GRM5: variants seen among roughly 807,000 people sequenced by gnomAD.
GRM5 encodes metabotropic glutamate receptor 5.
In GRM5, 19 loss-of-function variants were observed where a neutral mutation model predicts 83.1. That is an observed-to-expected ratio of 0.23 (90% confidence interval 0.16 to 0.34). The LOEUF (loss-of-function observed/expected upper bound fraction) is 0.34. Ranked by LOEUF, GRM5 falls within the 10% of genes least tolerant of loss-of-function variation. The pLI is 1.00. For missense variants in GRM5, 1,160 were observed against 1,588.3 expected (o/e 0.73, Z 4.58); for synonymous variants, 675 against 633.6 (o/e 1.07, Z -0.98).
Position 88,803,754 on chromosome 11 carries a change from C to T in GRM5, c.911+46152G>A, listed in dbSNP as rs549871131. 9.9e-5 allele frequency among the ~76,000 whole-genome samples: 15 copies of T among 151,902 alleles called. No homozygotes were observed. In the East Asian group the frequency reaches 1.9e-3, roughly 20 times the overall value. On this transcript the variant is annotated intron_variant, in intron 3 of 9. Transcript: ENST00000305447. ...ACCATCAGAGTGAACAGGCAACCTA[C>T]AAAATGGGAGAAAATTTTCGCAACC...
chr11:88,717,074 A>G (rs1941416242), intron 3 of GRM5, among the ~76,000 whole-genome samples: 1 of 151,946 alleles, frequency 6.6e-6, no homozygotes, highest in South Asian at 2.1e-4. Context: ...TCTATACCTT[A>G]TTAGCAAAGC....
At chr11:88,837,512 GTTTTAAATA>G (rs1425301689) in intron 3 of GRM5, among the ~76,000 whole-genome samples, 1 of 152,170 alleles carries the variant, frequency 6.6e-6, no homozygotes, top group Admixed American at 6.5e-5. Context: ...TTATCAAAAT[GTTTTAAATA>G]TTTATCTAAA....
chr11:88,932,235 G>A (rs1157402697), intron 2 of GRM5, among the ~76,000 whole-genome samples: 1 of 152,048 alleles, frequency 6.6e-6, no homozygotes, highest in African/African-American at 2.4e-5. Flanking sequence ...GTTTTGGTTT[G>A]AGTATTATAC....
At chr11:88,697,440 C>T (rs1321964813) in intron 3 of GRM5, among the ~76,000 whole-genome samples, 2 of 152,162 alleles carry the variant, frequency 1.3e-5, no homozygotes, top group Non-Finnish European at 1.5e-5. Flanking sequence ...ACTCAATACT[C>T]ATTTGTTAAC....
intron 2 of GRM5, among the ~76,000 whole-genome samples, chr11:88,901,031 G>A (rs1479091131): frequency 6.6e-6 from 1 of 152,074 alleles, no homozygotes; most frequent in African/African-American, 2.4e-5. Context: ...AGTAAACAGA[G>A]GCTTAAAATA....
At chr11:89,027,340 C>A (rs1273936965) in intron 2 of GRM5, among the ~76,000 whole-genome samples, 1 of 152,166 alleles carries the variant, frequency 6.6e-6, no homozygotes, top group Non-Finnish European at 1.5e-5. Context: ...GTGATCCACA[C>A]TCCTCAGACT....
At chr11:88,698,301 CCTT>C (rs1034551909) in intron 3 of GRM5, among the ~76,000 whole-genome samples, 6 of 152,146 alleles carry the variant, frequency 3.9e-5, no homozygotes, top group Admixed American at 3.9e-4. Flanking sequence ...GCTAGAATAA[CCTT>C]CTTTTTATTC....
At position 88,820,762 on chromosome 11, in the gene GRM5, C is replaced by T. The variant is rs145797897; in HGVS notation, c.911+29144G>A. Among the ~76,000 whole-genome samples the T allele has an allele frequency of 7.0e-3, 1,069 of 152,304 alleles. 14 individuals carry two copies. Among genetic ancestry groups the T allele is most frequent in the African/African-American group, 0.024 (1,011 of 41,564 alleles). On this transcript the variant is annotated intron_variant, in intron 3 of 9. Transcript: ENST00000305447. ...CTTGTTTTGTTATCATCTCACTTTC[C>T]TCTGTGAAACAGAATGAAGTATTTC...
intron 2 of GRM5, among the ~76,000 whole-genome samples, chr11:89,029,583 T>A (rs1941213606): frequency 6.6e-6 from 1 of 152,204 alleles, no homozygotes; most frequent in African/African-American, 2.4e-5. Context: ...TTACACATGT[T>A]AAAATTTAAG....
In GRM5 at chr11:88,906,346, T is replaced by C. The variant is rs140154560; in HGVS notation, c.662-56191A>G. Among the ~76,000 whole-genome samples the C allele has an allele frequency of 9.5e-3, 1,442 of 152,274 alleles. 14 individuals carry two copies. The highest frequency in any genetic ancestry group is 0.044 in the South Asian group (212 of 4,828). On this transcript the variant is annotated intron_variant, in intron 2 of 9. Coordinates refer to ENST00000305447, the MANE Select transcript of GRM5 (RefSeq NM_001143831.3). ...TGTAAGACATAGATTATTACTTTAT[T>C]AGCCCTCCCCAAATTTTGAGGACAT...
intron 7 of GRM5, among the ~76,000 whole-genome samples, chr11:88,582,262 A>C (rs187946072): frequency 1.3e-5 from 2 of 152,240 alleles, no homozygotes; most frequent in Admixed American, 1.3e-4. Context: ...ACTAGTTGGA[A>C]CTCAAATATG....
At chr11:89,026,874 C>T (rs1237764594) in intron 2 of GRM5, among the ~76,000 whole-genome samples, 8 of 152,124 alleles carry the variant, frequency 5.3e-5, no homozygotes, top group African/African-American at 1.4e-4. Context: ...TATTTCACAA[C>T]CTATTGAAGT....
At chr11:88,984,087 TTTA>T (rs775040184) in intron 2 of GRM5, among the ~76,000 whole-genome samples, 2 of 152,020 alleles carry the variant, frequency 1.3e-5, no homozygotes, top group Non-Finnish European at 2.9e-5. Flanking sequence ...TTACAGTAAG[TTTA>T]TTATTGTAAA....
chr11:89,010,044 ATAT>A (rs1940654518), intron 2 of GRM5, among the ~76,000 whole-genome samples: 3 of 148,924 alleles, frequency 2.0e-5, no homozygotes, highest in African/African-American at 7.3e-5. Context: ...ATATAGTTAT[ATAT>A]TATATGTATA....
intron 7 of GRM5, among the ~76,000 whole-genome samples, chr11:88,581,446 A>G (rs3915858): frequency 0.027 from 4,152 of 152,302 alleles, 195 homozygotes; most frequent in African/African-American, 0.092. Flanking sequence ...TGTGAATTTG[A>G]ACATGGGCAT....
At chr11:88,700,532 C>T (rs1190509779) in intron 3 of GRM5, among the ~76,000 whole-genome samples, 3 of 152,128 alleles carry the variant, frequency 2.0e-5, no homozygotes, top group South Asian at 2.1e-4. Flanking sequence ...ATGTTGTCTG[C>T]ATTGTACTTC....
intron 7 of GRM5, among the ~76,000 whole-genome samples, chr11:88,581,776 C>A (rs117878709): frequency 2.1e-3 from 327 of 152,224 alleles, no homozygotes; most frequent in Non-Finnish European, 3.8e-3. Flanking sequence ...GATGAAAAAG[C>A]GACCGTGAAA....
At chr11:88,555,967 C>A (rs1942617156) in intron 8 of GRM5, among the ~76,000 whole-genome samples, 1 of 152,016 alleles carries the variant, frequency 6.6e-6, no homozygotes, top group African/African-American at 2.4e-5. Flanking sequence ...ACTGCCAAAC[C>A]ACAACAGGAA....
intron 3 of GRM5, among the ~76,000 whole-genome samples, chr11:88,760,816 C>T (rs1942497547): frequency 6.6e-6 from 1 of 152,074 alleles, no homozygotes; most frequent in Non-Finnish European, 1.5e-5. Context: ...CAACAAAATA[C>T]TAGCAAACCA....
Sources: gnomAD v4.1 joint callset for allele counts (sites outside exome capture counted in the v4.1 genomes callset) on GRCh38, gnomAD v4.1.1 for gene constraint, MANE v1.5 for transcripts, NCBI Gene and HGNC (gene_info 2026-07-23, HGNC 2026-07-21) for gene names.